Variants in ELAVL4 observed in about 807,000 individuals in gnomAD.
ELAVL4 encodes ELAV-like protein 4.
In ELAVL4, 1 loss-of-function variant was observed where a neutral mutation model predicts 35.6. That is an observed-to-expected ratio of 0.03 (90% confidence interval 0.01 to 0.13). The LOEUF (loss-of-function observed/expected upper bound fraction) is 0.13, where lower values mean the gene tolerates loss of function less well. Among genes scored for constraint, ELAVL4 ranks in the 10% least tolerant of loss-of-function variants. ELAVL4 has a pLI of 1.00. For synonymous variants in ELAVL4, 156 were observed against 171.0 expected (o/e 0.91, Z 0.69); for missense variants, 267 against 464.9 (o/e 0.57, Z 3.91).
At chr1:50,144,788 A>G (rs1314463832) in intron 1 of ELAVL4, 169 bp from the exon 2 acceptor site, 2 of 1,007,066 alleles carry the variant, frequency 2.0e-6, no homozygotes, top group African/African-American at 3.2e-5. Flanking sequence ...GGAGTTTAAC[A>G]TTTTGGTTAA....
chr1:50,164,881 C>A (rs548406280), intron 2 of ELAVL4, among the ~76,000 whole-genome samples: 150 of 152,310 alleles, frequency 9.8e-4, no homozygotes, highest in African/African-American at 3.5e-3. Context: ...GTTTACCCAA[C>A]AAACATTTAC....
intron 2 of ELAVL4, among the ~76,000 whole-genome samples, chr1:50,160,677 T>A (rs1393888675): frequency 6.6e-6 from 1 of 152,202 alleles, no homozygotes; most frequent in Non-Finnish European, 1.5e-5. Flanking sequence ...CAGCTAACAT[T>A]TGGCATCCTG....
intron 2 of ELAVL4, among the ~76,000 whole-genome samples, chr1:50,158,817 G>T (rs1329212451): frequency 6.6e-6 from 1 of 152,150 alleles, no homozygotes; most frequent in Non-Finnish European, 1.5e-5. Flanking sequence ...AAGGCGGGTG[G>T]ATCACGAGGT....
chr1:50,158,047 T>C (rs1283333202), intron 2 of ELAVL4, among the ~76,000 whole-genome samples: 1 of 152,214 alleles, frequency 6.6e-6, no homozygotes, highest in African/African-American at 2.4e-5. Flanking sequence ...TATCATTTAC[T>C]AGCTGTGTAA....
chr1:50,083,666 A>G (rs1296627891), intron 1 of ELAVL4, among the ~76,000 whole-genome samples: 1 of 152,216 alleles, frequency 6.6e-6, no homozygotes, highest in African/African-American at 2.4e-5. Flanking sequence ...AAAGTAAGTT[A>G]GCAAATCAAG....
intron 1 of ELAVL4, among the ~76,000 whole-genome samples, chr1:50,116,811 T>G (rs1197132624): frequency 6.6e-6 from 1 of 152,136 alleles, no homozygotes; most frequent in African/African-American, 2.4e-5. Flanking sequence ...TTATCTTTTC[T>G]TATTTTACTT....
intron 1 of ELAVL4, among the ~76,000 whole-genome samples, chr1:50,095,741 T>A (rs1665693237): frequency 6.6e-6 from 1 of 152,142 alleles, no homozygotes; most frequent in Non-Finnish European, 1.5e-5. Context: ...CCTATTGGAG[T>A]TCTCTGTGAC....
rs115040493 is a variant in ELAVL4 at position 50,076,997 on chromosome 1, C to T, written c.18+28815C>T. Among the ~76,000 whole-genome samples the T allele has an allele frequency of 3.7e-3, 566 of 151,972 alleles. 5 individuals are homozygous for T. The highest frequency in any genetic ancestry group is 6.7e-3 in the Non-Finnish European group (456 of 67,964). On this transcript the variant is annotated intron_variant, in intron 1 of 6. Transcript: ENST00000448907. ...TTCCTATTATATTTGTCAAAAATCT[C>T]CAGAGAAACAAAGTAAATGGGATGT... is the stretch of plus-strand genomic sequence containing the variant.
At chr1:50,133,620 AAAGAAAG>A (rs1671313257) in intron 1 of ELAVL4, among the ~76,000 whole-genome samples, 1 of 147,416 alleles carries the variant, frequency 6.8e-6, no homozygotes, top group African/African-American at 2.5e-5. Context: ...AGAAAGAAAG[AAAGAAAG>A]AAAGAAAGAA....
intron 1 of ELAVL4, among the ~76,000 whole-genome samples, chr1:50,048,822 C>G (rs1663209319): frequency 6.6e-6 from 1 of 152,146 alleles, no homozygotes; most frequent in African/African-American, 2.4e-5. Context: ...TCATGTTTAG[C>G]TGAGGAAGAA....
At chr1:50,080,068 C>G (rs11205681) in intron 1 of ELAVL4, among the ~76,000 whole-genome samples, 14,546 of 152,156 alleles carry the variant, frequency 0.096, 947 homozygotes, top group African/African-American at 0.17. Context: ...ATGGTTAGAA[C>G]AGCTGGAAGC....
At chr1:50,157,260 T>G (rs1675933168) in intron 2 of ELAVL4, among the ~76,000 whole-genome samples, 1 of 152,114 alleles carries the variant, frequency 6.6e-6, no homozygotes, top group Admixed American at 6.5e-5. Flanking sequence ...GTGCCTCAGG[T>G]TGTTGTGCAT....
chr1:50,187,499 C>T (rs1039501275), intron 3 of ELAVL4, among the ~76,000 whole-genome samples: 5 of 152,194 alleles, frequency 3.3e-5, no homozygotes, highest in Non-Finnish European at 5.9e-5. Context: ...CAGCTAATAA[C>T]GGTCAGGTTT....
chr1:50,159,872 T>G (rs755483720), intron 2 of ELAVL4, among the ~76,000 whole-genome samples: 96 of 152,154 alleles, frequency 6.3e-4, no homozygotes, highest in Non-Finnish European at 9.0e-4. Context: ...GGGGAGATCT[T>G]CTGCTGCCCC....
chr1:50,143,626 C>T (rs1469890966), intron 1 of ELAVL4, among the ~76,000 whole-genome samples: 1 of 152,132 alleles, frequency 6.6e-6, no homozygotes, highest in African/African-American at 2.4e-5. Flanking sequence ...GGTCACACAG[C>T]TAGTAAGTGG....
At chr1:50,102,713 CTTTGT>C (rs1208551905), upstream of ELAVL4, among the ~76,000 whole-genome samples, 1 of 152,002 alleles carries the variant, frequency 6.6e-6, no homozygotes, top group Non-Finnish European at 1.5e-5. Context: ...TTGTTTGTTT[CTTTGT>C]TTTGGTTTTT....
At chr1:50,162,767 A>T (rs907361770) in intron 2 of ELAVL4, among the ~76,000 whole-genome samples, 3 of 152,140 alleles carry the variant, frequency 2.0e-5, no homozygotes, top group African/African-American at 7.2e-5. Context: ...TACTTTTTGT[A>T]GAGACAGGGT....
At chr1:50,190,201 G>A (rs958163656) in intron 3 of ELAVL4, among the ~76,000 whole-genome samples, 1 of 152,216 alleles carries the variant, frequency 6.6e-6, no homozygotes, top group Non-Finnish European at 1.5e-5. Flanking sequence ...ACTGAGGCAA[G>A]GGGGGTTCTC....
chr1:50,186,789 A>G (rs1279814108), intron 3 of ELAVL4, among the ~76,000 whole-genome samples: 1 of 152,180 alleles, frequency 6.6e-6, no homozygotes, highest in African/African-American at 2.4e-5. Flanking sequence ...CCATCACAAA[A>G]TGGCACAATC....
Sources: gnomAD v4.1 joint callset for allele counts (sites outside exome capture counted in the v4.1 genomes callset) on GRCh38, gnomAD v4.1.1 for gene constraint, MANE v1.5 for transcripts, NCBI Gene and HGNC (gene_info 2026-07-23, HGNC 2026-07-21) for gene names.